The following LHFPL3 variants were observed in gnomAD, a reference collection of about 807,000 sequenced individuals.
The protein encoded by LHFPL3 is LHFPL tetraspan subfamily member 3 protein.
In LHFPL3, 5 loss-of-function variants were observed where a neutral mutation model predicts 19.3. The observed-to-expected ratio is 0.26, with a 90% confidence interval of 0.14 to 0.54. The LOEUF is 0.54. Among genes scored for constraint, LHFPL3 ranks in the 20% least tolerant of loss-of-function variants. The probability of loss-of-function intolerance (pLI) is 0.94; values close to 1 mark genes in which losing one functional copy is unlikely to be tolerated. For missense variants in LHFPL3, 249 were observed against 307.4 expected (o/e 0.81, Z 1.42); for synonymous variants, 133 against 126.2 (o/e 1.05, Z -0.36).
At chr7:104,605,304 C>T (rs577447357) in intron 1 of LHFPL3, among the ~76,000 whole-genome samples, 1 of 152,136 alleles carries the variant, frequency 6.6e-6, no homozygotes, top group South Asian at 2.1e-4. Context: ...TACCTTCTTA[C>T]TAATGAATAG....
chr7:104,900,300 G>T (rs1792457550), intron 2 of LHFPL3, among the ~76,000 whole-genome samples: 1 of 152,154 alleles, frequency 6.6e-6, no homozygotes. Context: ...TGTTCCTTAA[G>T]GGGAATGAGT....
intron 2 of LHFPL3, among the ~76,000 whole-genome samples, chr7:104,805,081 C>G (rs1475540229): frequency 6.6e-6 from 1 of 152,206 alleles, no homozygotes; most frequent in Non-Finnish European, 1.5e-5. Flanking sequence ...CCCATAGGCT[C>G]AGATGCCCTG....
At chr7:104,804,936 T>C (rs952600406) in intron 2 of LHFPL3, among the ~76,000 whole-genome samples, 1 of 152,204 alleles carries the variant, frequency 6.6e-6, no homozygotes, top group African/African-American at 2.4e-5. Flanking sequence ...AATACTGTTA[T>C]ACAATAATAG....
chr7:104,900,025 G>A (rs569624292), intron 2 of LHFPL3, among the ~76,000 whole-genome samples: 8 of 152,138 alleles, frequency 5.3e-5, no homozygotes, highest in Non-Finnish European at 8.8e-5. Context: ...AGCCACCGCC[G>A]TGCCTGGCCG....
intron 1 of LHFPL3, among the ~76,000 whole-genome samples, chr7:104,523,550 C>T (rs950796261): frequency 6.6e-6 from 1 of 152,194 alleles, no homozygotes; most frequent in South Asian, 2.1e-4. Context: ...ATTCCTTCAC[C>T]TTTCTGTCCT....
chr7:104,799,969 T>G (rs1790209090), intron 2 of LHFPL3: 1 of 152,720 alleles, frequency 6.5e-6, no homozygotes, highest in Non-Finnish European at 1.5e-5. Context: ...CCAAGCCTAT[T>G]GGGAGCAGGA....
At chr7:104,487,457 G>A (rs1041114001) in intron 1 of LHFPL3, among the ~76,000 whole-genome samples, 8 of 152,200 alleles carry the variant, frequency 5.3e-5, no homozygotes. Flanking sequence ...ATCGTGTGGT[G>A]CACTCACACA....
chr7:104,761,185 A>G (rs148754579), intron 2 of LHFPL3, among the ~76,000 whole-genome samples: 1 of 152,314 alleles, frequency 6.6e-6, no homozygotes, highest in East Asian at 1.9e-4. Context: ...GTTAGGCTGC[A>G]GAAGCCGTCT....
intron 2 of LHFPL3, among the ~76,000 whole-genome samples, chr7:104,785,539 T>G (rs1224240754): frequency 6.6e-6 from 1 of 152,182 alleles, no homozygotes; most frequent in African/African-American, 2.4e-5. Context: ...CAAAATTTAA[T>G]TTACTTAAGT....
rs1475022402 is a variant in LHFPL3, at chr7:104,604,020, A to G, written c.446-132655A>G. 2.0e-5 allele frequency among the ~76,000 whole-genome samples: 3 copies of G among 152,080 alleles called. No homozygotes were observed. The East Asian group carries it at 5.8e-4, about 29-fold the overall frequency. ...GTTCTCGTGTCTAAGGGGTGGTCAC[A>G]CTCCCACAGCTCCGCTAGGCATTGT... On this transcript the variant is annotated intron_variant, in intron 1 of 2. Coordinates refer to ENST00000424859, the MANE Select transcript of LHFPL3 (RefSeq NM_199000.3).
At chr7:104,850,079 G>A (rs1791388173) in intron 2 of LHFPL3, among the ~76,000 whole-genome samples, 1 of 152,174 alleles carries the variant, frequency 6.6e-6, no homozygotes, top group South Asian at 2.1e-4. Flanking sequence ...AAGGTGGGCG[G>A]ATCACTTGAG....
At chr7:104,644,706 C>T (rs978815078) in intron 1 of LHFPL3, among the ~76,000 whole-genome samples, 2 of 151,128 alleles carry the variant, frequency 1.3e-5, no homozygotes, top group African/African-American at 4.9e-5. Flanking sequence ...GGAGCAGACT[C>T]TTCTCCCTTG....
At chr7:104,444,168 AG>A (rs1424780874) in intron 1 of LHFPL3, among the ~76,000 whole-genome samples, 1 of 152,232 alleles carries the variant, frequency 6.6e-6, no homozygotes, top group Non-Finnish European at 1.5e-5. Context: ...GATACCAGCC[AG>A]GGGCCATTTG....
At chr7:104,335,252 G>C (rs1297220930) in intron 1 of LHFPL3, among the ~76,000 whole-genome samples, 1 of 152,184 alleles carries the variant, frequency 6.6e-6, no homozygotes. Flanking sequence ...TCAGTGCCAA[G>C]GAGTGACCCT....
chr7:104,784,792 G>T lies in LHFPL3; in HGVS notation c.682+47881G>T, dbSNP rs371039466. 5.3e-5 allele frequency among the ~76,000 whole-genome samples: 8 copies of T among 152,176 alleles called. No individual in the cohort carries two copies. The East Asian group carries it at 1.3e-3, about 26-fold the overall frequency. On this transcript the variant is annotated intron_variant, in intron 2 of 2. Transcript: ENST00000424859. ...CACATGGAAGAATCTTGAGAATATT[G>T]TGCTATGTGAAATAAGCCAGTCACA...
At chr7:104,540,993 A>G (rs1794474677) in intron 1 of LHFPL3, among the ~76,000 whole-genome samples, 1 of 152,124 alleles carries the variant, frequency 6.6e-6, no homozygotes, top group African/African-American at 2.4e-5. Context: ...TCTAAAGAGT[A>G]CTTCTGACTT....
chr7:104,875,334 C>G (rs2116669130), intron 2 of LHFPL3, among the ~76,000 whole-genome samples: 1 of 152,242 alleles, frequency 6.6e-6, no homozygotes, highest in African/African-American at 2.4e-5. Flanking sequence ...CTGCACCCAC[C>G]TCCAAATCCT....
chr7:104,502,568 A>C (rs1209429397), intron 1 of LHFPL3, among the ~76,000 whole-genome samples: 16 of 152,164 alleles, frequency 1.1e-4, no homozygotes. Context: ...CTACATGAAG[A>C]TTACAGAAGA....
intron 1 of LHFPL3, among the ~76,000 whole-genome samples, chr7:104,409,304 CTGTGTG>C (rs59285167): frequency 0.054 from 7,972 of 148,826 alleles, 236 homozygotes; most frequent in Middle Eastern, 0.079. Context: ...CTTATGTGTG[CTGTGTG>C]TGTGTGTGTG....
Sources: allele counts gnomAD v4.1 joint callset (sites outside exome capture counted in the v4.1 genomes callset), GRCh38; gene constraint gnomAD v4.1.1; transcripts MANE v1.5; gene names NCBI Gene and HGNC (gene_info 2026-07-23, HGNC 2026-07-21).